Variants in PDS5A observed in about 807,000 individuals in gnomAD.
PDS5A encodes the protein PDS5 cohesin associated factor A.
A neutral mutation model predicts 167.1 loss-of-function variants in PDS5A; 42 were observed. The observed-to-expected ratio is 0.25, with a 90% CI of 0.20 to 0.33. The LOEUF is 0.33. PDS5A is among the 10% of genes least tolerant of loss of function. PDS5A has a pLI of 1.00. For missense variants in PDS5A, 1,033 were observed against 1,605.9 expected, an observed-to-expected ratio of 0.64 and a Z score of 6.10; for synonymous variants, 553 against 554.6, an observed-to-expected ratio of 1.00 and a Z score of 0.04.
At chr4:39,908,177 A>G (rs998010647) in intron 11 of PDS5A, among the ~76,000 whole-genome samples, 11 of 152,218 alleles carry the variant, frequency 7.2e-5, no homozygotes, top group African/African-American at 2.7e-4. Flanking sequence ...TAGAAAAGAA[A>G]CCCATGCTTA....
At chr4:39,971,727 T>C (rs556643750) in intron 2 of PDS5A, among the ~76,000 whole-genome samples, 1 of 152,328 alleles carries the variant, frequency 6.6e-6, no homozygotes, top group Non-Finnish European at 1.5e-5. Context: ...CCCAAAGGGC[T>C]AGGATTACAA....
At chr4:39,955,096 A>C (rs1728801403) in intron 2 of PDS5A, among the ~76,000 whole-genome samples, 1 of 152,116 alleles carries the variant, frequency 6.6e-6, no homozygotes. Context: ...ATCAGGATTT[A>C]AAGTAAATCA....
intron 2 of PDS5A, among the ~76,000 whole-genome samples, chr4:39,970,143 C>T (rs1416956108): frequency 6.6e-6 from 1 of 151,724 alleles, no homozygotes; most frequent in Non-Finnish European, 1.5e-5. Context: ...AGCCACCGCG[C>T]CCAGCCTGTA....
intron 26 of PDS5A, among the ~76,000 whole-genome samples, chr4:39,858,323 A>C (rs1352524120): frequency 6.6e-6 from 1 of 152,244 alleles, no homozygotes; most frequent in Non-Finnish European, 1.5e-5. Flanking sequence ...ACTTATTATA[A>C]AGTTACAGTA....
At chr4:39,884,919 G>A (rs1721282107) in intron 17 of PDS5A, among the ~76,000 whole-genome samples, 1 of 152,008 alleles carries the variant, frequency 6.6e-6, no homozygotes, top group African/African-American at 2.4e-5. Flanking sequence ...ATGTATAGGG[G>A]GGAAATTGAT....
At position 39,930,410 on chromosome 4, in the gene PDS5A, C is replaced by T. The variant is rs542177742; in HGVS notation, c.139-2246G>A. Among the ~76,000 whole-genome samples the T allele has an allele frequency of 2.1e-4, 32 of 151,462 alleles. No homozygotes were observed. The East Asian group carries it at 5.8e-3, about 28-fold the overall frequency. ...GCCTGGGCTATTGAGTATTTTTTGA[C>T]ACCTATTGAGATAATCATACTTTTT... On this transcript the variant is annotated intron_variant, in intron 2 of 32. Coordinates refer to ENST00000303538, the MANE Select transcript of PDS5A (RefSeq NM_001100399.2).
At chr4:39,833,208 A>AG (rs1716078398) in intron 32 of PDS5A, among the ~76,000 whole-genome samples, 1 of 147,834 alleles carries the variant, frequency 6.8e-6, no homozygotes, top group Non-Finnish European at 1.5e-5. Flanking sequence ...AAAAAAAAAA[A>AG]AAAAAAAAGA....
chr4:39,861,066 TA>T (rs1292282053), intron 26 of PDS5A, among the ~76,000 whole-genome samples: 300 of 135,716 alleles, frequency 2.2e-3, no homozygotes, highest in Admixed American at 2.5e-3. Flanking sequence ...CTTGTCTCAT[TA>T]AAAAAAAAAA....
At chr4:39,935,958 A>T (rs1176431072) in intron 2 of PDS5A, among the ~76,000 whole-genome samples, 1 of 152,234 alleles carries the variant, frequency 6.6e-6, no homozygotes, top group Non-Finnish European at 1.5e-5. Flanking sequence ...AACTGAAAAT[A>T]ACCAACTGTC....
chr4:39,974,768 A>C (rs1287418154), intron 2 of PDS5A, among the ~76,000 whole-genome samples: 1 of 152,062 alleles, frequency 6.6e-6, no homozygotes, highest in Non-Finnish European at 1.5e-5. Flanking sequence ...CGGCCTCCCG[A>C]AGTGCTGGGA....
chr4:39,868,072 C>T (rs1719709271), intron 22 of PDS5A, among the ~76,000 whole-genome samples: 1 of 152,126 alleles, frequency 6.6e-6, no homozygotes, highest in South Asian at 2.1e-4. Flanking sequence ...CAAAGCAACA[C>T]AAAGTGAAAG....
chr4:39,868,617 C>T (rs1398639391), intron 22 of PDS5A: 1 of 453,012 alleles, frequency 2.2e-6, no homozygotes, highest in African/African-American at 2.0e-5. Context: ...GCGTGAGCCA[C>T]CATGCCTAGC....
intron 26 of PDS5A, among the ~76,000 whole-genome samples, chr4:39,858,720 T>G (rs569749128): frequency 6.6e-6 from 1 of 152,094 alleles, no homozygotes; most frequent in East Asian, 1.9e-4. Flanking sequence ...ACCTCCCAGG[T>G]TCAAGCAATT....
At chr4:39,944,686 C>T (rs1727575585) in intron 2 of PDS5A, among the ~76,000 whole-genome samples, 1 of 136,842 alleles carries the variant, frequency 7.3e-6, no homozygotes, top group South Asian at 2.3e-4. Context: ...AACGGCGAAA[C>T]TCCATCTCAA....
chr4:39,847,236 T>C (rs1030626199), intron 28 of PDS5A: 3 of 152,178 alleles, frequency 2.0e-5, no homozygotes, highest in Admixed American at 6.5e-5. Flanking sequence ...CACTGTTACA[T>C]AGATTCTATT....
intron 26 of PDS5A, among the ~76,000 whole-genome samples, chr4:39,851,640 A>G (rs1718133045): frequency 6.6e-6 from 1 of 152,196 alleles, no homozygotes; most frequent in African/African-American, 2.4e-5. Context: ...TCACAGAGAT[A>G]AAAAGATGGA....
chr4:39,971,053 C>T (rs1001742791), intron 2 of PDS5A, among the ~76,000 whole-genome samples: 11 of 152,014 alleles, frequency 7.2e-5, no homozygotes, highest in African/African-American at 2.4e-4. Flanking sequence ...ATTACACAGG[C>T]ATGAGCCACC....
intron 32 of PDS5A, among the ~76,000 whole-genome samples, chr4:39,828,481 T>G (rs948372409): frequency 1.3e-5 from 2 of 152,214 alleles, no homozygotes; most frequent in African/African-American, 2.4e-5. Flanking sequence ...CTGCGAGGGT[T>G]AGCACTTGCC....
intron 26 of PDS5A, among the ~76,000 whole-genome samples, chr4:39,861,133 G>A (rs1718955177): frequency 6.6e-6 from 1 of 151,486 alleles, no homozygotes; most frequent in South Asian, 2.1e-4. Context: ...GTGGTTATCA[G>A]AGCCTGTCAA....
Sources: gnomAD v4.1 joint callset for allele counts (sites outside exome capture counted in the v4.1 genomes callset) on GRCh38, gnomAD v4.1.1 for gene constraint, MANE v1.5 for transcripts, NCBI Gene and HGNC (gene_info 2026-07-23, HGNC 2026-07-21) for gene names.